Variants in AATK observed in about 807,000 individuals in gnomAD.
AATK encodes serine/threonine-protein kinase LMTK1.
Under a neutral mutation model 114.3 loss-of-function variants are expected in AATK, and 91 were observed. The observed-to-expected ratio is 0.80, with a 90% CI of 0.67 to 0.95. The LOEUF (loss-of-function observed/expected upper bound fraction) is 0.95, where lower values mean the gene tolerates loss of function less well. Among genes scored for constraint, AATK ranks in the 40% least tolerant of loss-of-function variants. The pLI, the probability that AATK is intolerant of heterozygous loss-of-function variation, is 0.00. For synonymous variants in AATK, 1,075 were observed against 916.5 expected, an observed-to-expected ratio of 1.17 and a Z score of -3.12; for missense variants, 2,176 against 1,965.2, an observed-to-expected ratio of 1.11 and a Z score of -2.03.
intron 1 of AATK, among the ~76,000 whole-genome samples, chr17:81,139,615 G>A (rs930274181): frequency 6.7e-5 from 5 of 74,806 alleles, no homozygotes; most frequent in South Asian, 4.8e-4. Flanking sequence ...GCCATACCGC[G>A]GTCCCTGGTC....
chr17:81,132,821 T>A (rs1289531330), intron 2 of AATK: 4 of 226,918 alleles, frequency 1.8e-5, no homozygotes, highest in Non-Finnish European at 3.7e-5. Flanking sequence ...GAGGCAGGAC[T>A]TCCCAGGGGC....
intron 1 of AATK, among the ~76,000 whole-genome samples, chr17:81,136,718 C>G (rs572152279): frequency 7.2e-5 from 11 of 152,348 alleles, no homozygotes; most frequent in Admixed American, 6.5e-4. Context: ...GGGCACCAGG[C>G]AGGCCTGCCC....
At chr17:81,131,040 A>G in intron 3 of AATK, 21 bp downstream of exon 3, 1 of 1,545,220 alleles carries the variant, frequency 6.5e-7, no homozygotes, top group Non-Finnish European at 8.7e-7. Flanking sequence ...AGGCCACCCC[A>G]TCTCCCCACC....
chr17:81,155,385 T>G (rs1373362947), intron 1 of AATK, among the ~76,000 whole-genome samples: 5 of 111,666 alleles, frequency 4.5e-5, no homozygotes, highest in African/African-American at 2.0e-4. Flanking sequence ...TTACCTATTA[T>G]TATTATTATT....
In AATK at chr17:81,118,015, CCGGAGGAGCTGCCGGATG is replaced by C. The variant is rs1258794804; in HGVS notation, c.*369_*386del. The C allele has an allele frequency of 2.5e-5, 5 of 199,384 alleles. No individual in the cohort carries two copies. The highest frequency in any genetic ancestry group is 1.2e-4 in the African/African-American group (5 of 43,070). 12.4% of individuals were successfully genotyped at this position (199,384 alleles called of 1,614,324 possible). Reference sequence around the variant, plus strand: ...CTGGTTTAAGTGTCCTGTGAGCACACCGGAGGAGCTGCCGGATGGGGCATGCGGGTCCTCCGAGGCCAG... The same window carrying C: ...CTGGTTTAAGTGTCCTGTGAGCACACGGGCATGCGGGTCCTCCGAGGCCAG... On this transcript the variant is annotated 3_prime_UTR_variant, in exon 14 of 14. Coordinates refer to ENST00000326724, the MANE Select transcript of AATK (RefSeq NM_001080395.3).
At position 81,119,994 on chromosome 17, in the gene AATK, G is replaced by A. The variant is rs930061483; in HGVS notation, c.3825C>T (p.Ser1275=). ...CAGCCTGCTGCGGCCGGTTGGGGGC[G>A]CTGGGAGAGCCGGGGCTCCCCCTAA... ...TFLRGSPGSP[S]APNRPQQADG... is the part of the protein sequence containing the mutation. Residue 1275 remains serine, a synonymous_variant, in exon 12 of 14, where the codon AGC becomes AGT. Transcript: ENST00000326724. The A allele has an allele frequency of 2.8e-6, 4 of 1,446,038 alleles. No individual in the cohort carries two copies. Among genetic ancestry groups the A allele is most frequent in the Non-Finnish European group, 3.6e-6 (4 of 1,099,102 alleles). The allele number at this position is 1,446,038 out of a possible 1,614,324, so 89.6% of individuals were successfully genotyped here.
At chr17:81,165,612 AG>A in intron 1 of AATK, 1 of 1,423,092 alleles carries the variant, frequency 7.0e-7, no homozygotes, top group Non-Finnish European at 9.3e-7. Context: ...CACACCCCCA[AG>A]GGCCCTTAGT....
chr17:81,135,233 C>T (rs35257788), intron 1 of AATK, among the ~76,000 whole-genome samples: 6,825 of 152,256 alleles, frequency 0.045, 183 homozygotes, highest in South Asian at 0.057. Flanking sequence ...GAGCTGAGCC[C>T]GGCTTCCAAA....
In AATK at chr17:81,120,659, G is replaced by T. The variant is rs866956057; in HGVS notation, c.3277C>A (p.Pro1093Thr). Residue 1093 changes from proline to threonine, a missense_variant, in exon 11 of 14, where the codon CCC becomes ACC. By Grantham distance (38) the Pro-to-Thr change is conservative. Coordinates refer to ENST00000326724, the MANE Select transcript of AATK (RefSeq NM_001080395.3). ...PQGPAKVRPG[P>T]SPSCSQFFLL... The stretch of plus-strand genomic sequence containing the variant: ...AAAAACTGGGAGCAGCTGGGGCTGG[G>T]CCCAGGCCGCACCTTGGCTGGGCCT... 1 of 1,521,172 alleles carries T rather than the reference G, an allele frequency of 6.6e-7. No homozygotes were observed. Among genetic ancestry groups the T allele is most frequent in the Non-Finnish European group, 8.8e-7 (1 of 1,137,574 alleles). The allele number at this position is 1,521,172 out of a possible 1,614,324, so 94.2% of individuals were successfully genotyped here.
chr17:81,165,604 C>A, intron 1 of AATK: 1 of 1,402,686 alleles, frequency 7.1e-7, no homozygotes, highest in Non-Finnish European at 9.4e-7. Context: ...ACACCCCCCA[C>A]ACCCCCAAGG....
At chr17:81,135,521 CA>C (rs1012954652) in intron 1 of AATK, among the ~76,000 whole-genome samples, 1 of 152,152 alleles carries the variant, frequency 6.6e-6, no homozygotes, top group Admixed American at 6.5e-5. Flanking sequence ...TCTCAGCTCC[CA>C]ACACCCCTCA....
At chr17:81,147,860 G>A (rs112759063) in intron 1 of AATK, among the ~76,000 whole-genome samples, 7 of 152,244 alleles carry the variant, frequency 4.6e-5, no homozygotes, top group East Asian at 1.9e-4. Flanking sequence ...TGAGGGAAAC[G>A]TGTCATCGTG....
intron 1 of AATK, among the ~76,000 whole-genome samples, chr17:81,146,166 G>A (rs1187148262): frequency 6.7e-6 from 1 of 148,756 alleles, no homozygotes. Context: ...TCCAGCCTAG[G>A]CAAGAGAGCG....
intron 1 of AATK, among the ~76,000 whole-genome samples, chr17:81,153,685 A>C (rs2174648): frequency 0.29 from 44,736 of 152,072 alleles, 7,791 homozygotes; most frequent in Admixed American, 0.4. Context: ...CCCATGCGCA[A>C]TGGACCTCCC....
At chr17:81,151,880 G>A (rs561277489) in intron 1 of AATK, among the ~76,000 whole-genome samples, 17 of 152,316 alleles carry the variant, frequency 1.1e-4, no homozygotes, top group South Asian at 2.1e-4. Flanking sequence ...AATCATAGAA[G>A]AAGTGAAAAC....
intron 13 of AATK, among the ~76,000 whole-genome samples, chr17:81,119,039 G>T (rs901820480): frequency 4.6e-5 from 7 of 152,194 alleles, no homozygotes; most frequent in Admixed American, 3.3e-4. Flanking sequence ...ACCTGGGTCT[G>T]CAGGGACTTC....
intron 12 of AATK, 61 bp from the exon 13 acceptor site, chr17:81,119,641 TCCCACAGTCACGGGCCCAGGC>T: frequency 7.7e-7 from 1 of 1,295,926 alleles, no homozygotes. Context: ...CCGGCCCCGC[TCCCACAGTCACGGGCCCAGGC>T]CCCGCCTCCC....
In AATK at chr17:81,119,474, C is replaced by T. The variant is rs1161669735; in HGVS notation, c.3990G>A (p.Thr1330=). 2.6e-6 allele frequency: 4 copies of T among 1,511,320 alleles called. No homozygotes were observed. Among genetic ancestry groups the T allele is most frequent in the East Asian group, 2.6e-5 (1 of 38,918 alleles). The allele number at this position is 1,511,320 out of a possible 1,614,324, so 93.6% of individuals were successfully genotyped here. A position where few individuals can be genotyped will look rare whatever the true frequency, so the allele number is the denominator to read the frequency against. ...CCGTGAAGCGCGAGAAGGGAGCGGG[C>T]GTGGGCGTGGGCGCAGCCGGGGCGG... The part of the protein sequence containing the change: ...AAPAPAAPTP[T]PAPFSRFTVS... Residue 1330 remains threonine (T), a synonymous_variant, in exon 13 of 14, where the codon ACG becomes ACA. Coordinates refer to ENST00000326724, the MANE Select transcript of AATK (RefSeq NM_001080395.3).
intron 1 of AATK, among the ~76,000 whole-genome samples, chr17:81,137,046 T>C (rs2061021178): frequency 1.3e-5 from 2 of 151,946 alleles, no homozygotes; most frequent in Non-Finnish European, 2.9e-5. Flanking sequence ...TCACTTGAGG[T>C]CAGGAGTTCG....
Sources: gnomAD v4.1 joint callset for allele counts (sites outside exome capture counted in the v4.1 genomes callset) on GRCh38, gnomAD v4.1.1 for gene constraint, MANE v1.5 for transcripts, NCBI Gene and HGNC (gene_info 2026-07-23, HGNC 2026-07-21) for gene names.